ZMAT4: variants seen among roughly 807,000 people sequenced by gnomAD.
ZMAT4 encodes the protein zinc finger matrin-type 4.
Under a neutral mutation model 28.7 loss-of-function variants are expected in ZMAT4, and 17 were observed. The ratio of observed to expected loss-of-function variants is 0.59; its 90% CI spans 0.41 to 0.89. The LOEUF (loss-of-function observed/expected upper bound fraction) is 0.89. ZMAT4 is among the 40% of genes least tolerant of loss of function. ZMAT4 has a pLI of 0.00. For synonymous variants in ZMAT4, 117 were observed against 109.2 expected, an observed-to-expected ratio of 1.07 and a Z score of -0.44; for missense variants, 240 against 283.8, an observed-to-expected ratio of 0.85 and a Z score of 1.11.
At chr8:40,696,319 T>G (rs1809882711) in intron 4 of ZMAT4, among the ~76,000 whole-genome samples, 1 of 152,224 alleles carries the variant, frequency 6.6e-6, no homozygotes, top group African/African-American at 2.4e-5. Flanking sequence ...AAGCATTGTT[T>G]TAGGCTCTCT....
intron 1 of ZMAT4, among the ~76,000 whole-genome samples, chr8:40,848,285 C>T (rs1305762132): frequency 2.0e-5 from 3 of 152,180 alleles, no homozygotes; most frequent in Non-Finnish European, 4.4e-5. Context: ...CATCTGCCCT[C>T]GATGTGGAAG....
chr8:40,878,722 C>T (rs1430215467), intron 1 of ZMAT4, among the ~76,000 whole-genome samples: 1 of 152,356 alleles, frequency 6.6e-6, no homozygotes, highest in South Asian at 2.1e-4. Context: ...GCACCGTTCT[C>T]GCCACGCAAG....
chr8:40,710,876 G>C (rs903425736), intron 3 of ZMAT4, among the ~76,000 whole-genome samples: 7 of 152,086 alleles, frequency 4.6e-5, no homozygotes, highest in Non-Finnish European at 2.9e-5. Flanking sequence ...CACCTCCCGG[G>C]TTCAAGCGAT....
intron 5 of ZMAT4, among the ~76,000 whole-genome samples, chr8:40,658,239 T>C (rs1480187149): frequency 6.6e-6 from 1 of 152,210 alleles, no homozygotes; most frequent in Non-Finnish European, 1.5e-5. Context: ...ATCTCAGTAT[T>C]AGTCTCTATT....
rs1563425428 is a variant in ZMAT4, at chr8:40,707,679, T to A, written c.193-10278A>T. ...GTATGTGTATGTATGTCTGTGTGTA[T>A]ATACATGTAATCAAATGGTTTAAAA... On this transcript the variant is annotated intron_variant, in intron 3 of 6. Coordinates refer to ENST00000297737, the MANE Select transcript of ZMAT4 (RefSeq NM_024645.3). 2.0e-5 allele frequency among the ~76,000 whole-genome samples: 3 copies of A among 152,212 alleles called. No individual in the cohort carries two copies. In the South Asian group the frequency reaches 6.2e-4, roughly 32 times the overall value.
At chr8:40,829,741 G>A (rs1385573483) in intron 1 of ZMAT4, among the ~76,000 whole-genome samples, 2 of 152,142 alleles carry the variant, frequency 1.3e-5, no homozygotes, top group African/African-American at 4.8e-5. Flanking sequence ...AGACAGAAAG[G>A]ATTATCAAGA....
At chr8:40,804,790 G>A (rs1361348297) in intron 2 of ZMAT4, among the ~76,000 whole-genome samples, 17 of 152,046 alleles carry the variant, frequency 1.1e-4, no homozygotes, top group Admixed American at 1.0e-3. Flanking sequence ...GCAGTGAGCC[G>A]AGATCGGGCC....
intron 5 of ZMAT4, among the ~76,000 whole-genome samples, chr8:40,595,325 C>A (rs1443499480): frequency 6.6e-6 from 1 of 152,136 alleles, no homozygotes; most frequent in Non-Finnish European, 1.5e-5. Context: ...AGTATACACA[C>A]ATACATACAC....
intron 5 of ZMAT4, among the ~76,000 whole-genome samples, chr8:40,628,148 A>T (rs2118714317): frequency 1.3e-5 from 2 of 152,332 alleles, no homozygotes; most frequent in South Asian, 4.1e-4. Flanking sequence ...CATGCCTCAC[A>T]GTTAAAGTCT....
At chr8:40,683,756 T>C (rs970765713) in intron 4 of ZMAT4, among the ~76,000 whole-genome samples, 7 of 152,296 alleles carry the variant, frequency 4.6e-5, no homozygotes, top group Non-Finnish European at 7.4e-5. Flanking sequence ...ATGAATTTTT[T>C]TTCAATTTAT....
intron 3 of ZMAT4, among the ~76,000 whole-genome samples, chr8:40,710,627 A>T (rs1370684655): frequency 6.6e-6 from 1 of 152,094 alleles, no homozygotes; most frequent in Non-Finnish European, 1.5e-5. Context: ...GGGGGAAAAA[A>T]AAAAAGACTA....
chr8:40,698,599 G>A (rs1310790374), intron 3 of ZMAT4, among the ~76,000 whole-genome samples: 1 of 152,214 alleles, frequency 6.6e-6, no homozygotes, highest in South Asian at 2.1e-4. Context: ...GATGAGGGTG[G>A]CAACTGGTTG....
intron 5 of ZMAT4, among the ~76,000 whole-genome samples, chr8:40,651,995 G>T (rs1306324628): frequency 1.1e-5 from 1 of 88,196 alleles, no homozygotes; most frequent in Non-Finnish European, 2.5e-5. Context: ...GAAAACCTAG[G>T]CATTACCATT....
chr8:40,627,280 A>G (rs898178892), intron 5 of ZMAT4, among the ~76,000 whole-genome samples: 24 of 152,284 alleles, frequency 1.6e-4, no homozygotes, highest in African/African-American at 5.3e-4. Context: ...GTATCATCAC[A>G]TTATATAACT....
At chr8:40,828,775 A>G (rs919165607) in intron 1 of ZMAT4, among the ~76,000 whole-genome samples, 24 of 152,264 alleles carry the variant, frequency 1.6e-4, no homozygotes, top group African/African-American at 5.8e-4. Context: ...CTTTCCCTCC[A>G]GAAAAAGAGA....
chr8:40,845,194 C>G (rs1312676129), intron 1 of ZMAT4, among the ~76,000 whole-genome samples: 1 of 152,190 alleles, frequency 6.6e-6, no homozygotes, highest in Non-Finnish European at 1.5e-5. Flanking sequence ...TTTCATGCAA[C>G]TTGGATCTCC....
chr8:40,896,175 T>C (rs1169872388), intron 1 of ZMAT4, among the ~76,000 whole-genome samples: 1 of 152,018 alleles, frequency 6.6e-6, no homozygotes, highest in Non-Finnish European at 1.5e-5. Flanking sequence ...GAGAATCTGT[T>C]GTGGTGGTTA....
At chr8:40,778,839 A>C (rs1813708866) in intron 2 of ZMAT4, among the ~76,000 whole-genome samples, 1 of 152,200 alleles carries the variant, frequency 6.6e-6, no homozygotes, top group Admixed American at 6.5e-5. Context: ...AAAAACAGGG[A>C]ATTTCTGAAA....
intron 5 of ZMAT4, among the ~76,000 whole-genome samples, chr8:40,589,423 T>C (rs10504029): frequency 0.23 from 34,237 of 152,126 alleles, 4,480 homozygotes; most frequent in Non-Finnish European, 0.3. Flanking sequence ...TCATCTGGTC[T>C]GGTATTCTCA....
Sources: allele counts gnomAD v4.1 joint callset (sites outside exome capture counted in the v4.1 genomes callset), GRCh38; gene constraint gnomAD v4.1.1; transcripts MANE v1.5; gene names NCBI Gene and HGNC (gene_info 2026-07-23, HGNC 2026-07-21).